The following WDR7 variants were observed in gnomAD, a reference collection of about 807,000 sequenced individuals.
WDR7 encodes WD repeat domain 7.
In WDR7, 46 loss-of-function variants were observed where a neutral mutation model predicts 169.4. That is an observed-to-expected ratio of 0.27 (90% CI 0.21 to 0.35). The LOEUF (loss-of-function observed/expected upper bound fraction) is 0.35. Among genes scored for constraint, WDR7 ranks in the 10% least tolerant of loss-of-function variants. The pLI is 1.00. For missense variants in WDR7, 1,534 were observed against 1,859.3 expected, an observed-to-expected ratio of 0.83 and a Z score of 3.22; for synonymous variants, 612 against 666.8, an observed-to-expected ratio of 0.92 and a Z score of 1.27.
chr18:56,824,321 G>C (rs1353557375), intron 20 of WDR7, among the ~76,000 whole-genome samples: 1 of 152,172 alleles, frequency 6.6e-6, no homozygotes. Flanking sequence ...TGCTCTTGCA[G>C]CTTAATAATA....
intron 12 of WDR7, among the ~76,000 whole-genome samples, chr18:56,708,797 C>G (rs1335573546): frequency 6.6e-6 from 1 of 151,836 alleles, no homozygotes. Context: ...ATTATCCAGG[C>G]ATGGTGGCAT....
chr18:57,022,633 T>A (rs1266560923), intron 27 of WDR7, among the ~76,000 whole-genome samples: 1 of 152,240 alleles, frequency 6.6e-6, no homozygotes, highest in African/African-American at 2.4e-5. Context: ...AAATGTTAAA[T>A]TATCTTTTTC....
chr18:56,697,697 A>G (rs571947399), intron 12 of WDR7, among the ~76,000 whole-genome samples: 8 of 152,186 alleles, frequency 5.3e-5, no homozygotes, highest in South Asian at 2.1e-4. Context: ...AAACATGACA[A>G]TTTTCTTTTC....
rs565001540 is a variant in WDR7 at position 56,919,646 on chromosome 18, T to A, written c.3527-4276T>A. ...AAGGATATAAATTGTGTACTAGTTA[T>A]TACACATTGTTGGGGCCACAGAGAC... On this transcript the variant is annotated intron_variant, in intron 21 of 27. Coordinates refer to ENST00000254442, the MANE Select transcript of WDR7 (RefSeq NM_015285.3). 2.6e-5 allele frequency among the ~76,000 whole-genome samples: 4 copies of A among 152,292 alleles called. No homozygotes were observed. The South Asian group carries it at 8.3e-4, about 32-fold the overall frequency.
intron 21 of WDR7, among the ~76,000 whole-genome samples, chr18:56,919,413 CA>C (rs2046677144): frequency 6.6e-6 from 1 of 152,176 alleles, no homozygotes; most frequent in South Asian, 2.1e-4. Flanking sequence ...AAGACAATTA[CA>C]GGAACCTTGG....
intron 21 of WDR7, among the ~76,000 whole-genome samples, chr18:56,885,826 CAAA>C (rs1191655744): frequency 3.9e-5 from 3 of 76,588 alleles, no homozygotes; most frequent in African/African-American, 3.6e-5. Flanking sequence ...GACTCTGTCT[CAAA>C]AAAAAAAAAA....
chr18:56,849,300 T>C (rs2145360538), intron 20 of WDR7, among the ~76,000 whole-genome samples: 2 of 152,326 alleles, frequency 1.3e-5, no homozygotes, highest in South Asian at 4.1e-4. Context: ...CTGACTACTT[T>C]TAAACAGAAG....
intron 8 of WDR7, 59 bp downstream of exon 8, chr18:56,691,420 G>T: frequency 6.7e-7 from 1 of 1,495,354 alleles, no homozygotes; most frequent in Non-Finnish European, 8.9e-7. Flanking sequence ...AGAATTTAGG[G>T]TACAACCTGA....
intron 14 of WDR7, among the ~76,000 whole-genome samples, chr18:56,737,049 T>C (rs9675459): frequency 0.033 from 4,952 of 152,284 alleles, 268 homozygotes; most frequent in African/African-American, 0.11. Context: ...GTGATTTCTG[T>C]TAAAAGGAAG....
At chr18:56,733,772 C>T (rs1410360682) in intron 14 of WDR7, among the ~76,000 whole-genome samples, 1 of 152,030 alleles carries the variant, frequency 6.6e-6, no homozygotes, top group African/African-American at 2.4e-5. Flanking sequence ...ATATTTGAAA[C>T]CCTTTGCATT....
At chr18:56,981,756 G>A (rs1274961282) in intron 26 of WDR7, among the ~76,000 whole-genome samples, 1 of 152,180 alleles carries the variant, frequency 6.6e-6, no homozygotes, top group African/African-American at 2.4e-5. Flanking sequence ...GCTCTGTGCA[G>A]TAGTGAGGTA....
chr18:56,982,533 G>A lies in WDR7; in HGVS notation c.4164+20004G>A, dbSNP rs905983356. ...CTTGAGCTATTTTCACATGGTTTAG[G>A]CATCTCACTGAAAGAAGAGCTTCTT... On this transcript the variant is annotated intron_variant, in intron 26 of 27. Coordinates refer to ENST00000254442, the MANE Select transcript of WDR7 (RefSeq NM_015285.3). 2.6e-5 allele frequency among the ~76,000 whole-genome samples: 4 copies of A among 152,124 alleles called. No homozygotes were observed. The South Asian group carries it at 6.2e-4, about 24-fold the overall frequency.
intron 27 of WDR7, among the ~76,000 whole-genome samples, chr18:57,021,403 T>C (rs1657401): frequency 0.87 from 133,145 of 152,228 alleles, 58,286 homozygotes; most frequent in African/African-American, 0.89. Flanking sequence ...TCTAACAGGG[T>C]GTAGGGCATA....
intron 16 of WDR7, among the ~76,000 whole-genome samples, chr18:56,760,271 C>T (rs189927559): frequency 4.6e-5 from 7 of 152,268 alleles, no homozygotes; most frequent in African/African-American, 1.4e-4. Context: ...CAGAAGCATC[C>T]TGCTTGTTCC....
At chr18:56,683,938 C>T (rs771063754) in intron 5 of WDR7, among the ~76,000 whole-genome samples, 54 of 152,156 alleles carry the variant, frequency 3.5e-4, no homozygotes, top group Middle Eastern at 6.8e-3. Context: ...GAGTCAAATT[C>T]TAGTAAAGGA....
chr18:56,757,424 AT>A, intron 15 of WDR7, 72 bp downstream of exon 15: 5 of 1,427,356 alleles, frequency 3.5e-6, no homozygotes, highest in South Asian at 3.0e-5. Flanking sequence ...TTCATTGTTG[AT>A]TACTCTTTTT....
intron 20 of WDR7, among the ~76,000 whole-genome samples, chr18:56,851,497 T>C (rs921453397): frequency 3.9e-5 from 6 of 152,222 alleles, no homozygotes; most frequent in Non-Finnish European, 8.8e-5. Flanking sequence ...ACATATAATA[T>C]ATCATACTTG....
At chr18:56,990,015 T>C (rs182709783) in intron 26 of WDR7, among the ~76,000 whole-genome samples, 23 of 152,362 alleles carry the variant, frequency 1.5e-4, no homozygotes, top group African/African-American at 5.5e-4. Flanking sequence ...TAACACTTCT[T>C]AAAGCATAAG....
chr18:56,674,539 C>T (rs1032424833), intron 2 of WDR7, among the ~76,000 whole-genome samples: 5 of 152,080 alleles, frequency 3.3e-5, no homozygotes, highest in Admixed American at 1.3e-4. Context: ...ATTATTGAAT[C>T]GTAAAAATTC....
Sources: allele counts gnomAD v4.1 joint callset (sites outside exome capture counted in the v4.1 genomes callset), GRCh38; gene constraint gnomAD v4.1.1; transcripts MANE v1.5; gene names NCBI Gene and HGNC (gene_info 2026-07-23, HGNC 2026-07-21).